Variants in KDM4C observed in about 807,000 individuals in gnomAD.
KDM4C encodes lysine-specific demethylase 4C.
In KDM4C, 81 loss-of-function variants were observed where a neutral mutation model predicts 129.3. That is an observed-to-expected ratio of 0.63 (90% CI 0.52 to 0.75). KDM4C has a LOEUF of 0.75. KDM4C is among the 30% of genes least tolerant of loss of function. The pLI is 0.00. For missense variants in KDM4C, 1,457 were observed against 1,304.0 expected (o/e 1.12, Z -1.81); for synonymous variants, 573 against 456.1 (o/e 1.26, Z -3.26).
At chr9:6,876,298 C>G (rs1273061301) in intron 5 of KDM4C, among the ~76,000 whole-genome samples, 2 of 152,092 alleles carry the variant, frequency 1.3e-5, no homozygotes, top group African/African-American at 2.4e-5. Context: ...ATAATGAGCT[C>G]CTAAATATGA....
intron 1 of KDM4C, among the ~76,000 whole-genome samples, chr9:6,746,742 C>G (rs1426900410): frequency 6.6e-6 from 1 of 150,536 alleles, no homozygotes; most frequent in African/African-American, 2.4e-5. Flanking sequence ...GGCGCGGTGG[C>G]TCACGCCTGT....
At chr9:6,813,667 A>T (rs1265837872) in intron 3 of KDM4C, among the ~76,000 whole-genome samples, 1 of 152,082 alleles carries the variant, frequency 6.6e-6, no homozygotes, top group Non-Finnish European at 1.5e-5. Context: ...TATTCCTTTT[A>T]TGTGGTGAGA....
At chr9:6,976,340 G>T (rs1311744255) in intron 8 of KDM4C, among the ~76,000 whole-genome samples, 1 of 152,154 alleles carries the variant, frequency 6.6e-6, no homozygotes, top group African/African-American at 2.4e-5. Context: ...AGAAATAACT[G>T]TTAATAATAG....
intron 8 of KDM4C, among the ~76,000 whole-genome samples, chr9:6,940,381 A>T (rs1825728332): frequency 6.6e-6 from 1 of 152,162 alleles, no homozygotes; most frequent in Non-Finnish European, 1.5e-5. Flanking sequence ...AGAGCTTCAA[A>T]ATGTGAACAA....
At chr9:7,078,699 A>G (rs1356845972) in intron 17 of KDM4C, among the ~76,000 whole-genome samples, 1 of 152,232 alleles carries the variant, frequency 6.6e-6, no homozygotes, top group Non-Finnish European at 1.5e-5. Context: ...TAGAGGTCCC[A>G]TAGCCAAAAC....
chr9:7,074,353 A>C (rs1375832545), intron 17 of KDM4C, among the ~76,000 whole-genome samples: 1 of 152,012 alleles, frequency 6.6e-6, no homozygotes, highest in African/African-American at 2.4e-5. Context: ...TTTTAGTAGA[A>C]ATGAGGTTTC....
chr9:6,987,316 C>T (rs1023566531), intron 11 of KDM4C, among the ~76,000 whole-genome samples: 1 of 152,186 alleles, frequency 6.6e-6, no homozygotes, highest in African/African-American at 2.4e-5. Flanking sequence ...AAAGACTCCT[C>T]TATATTATTT....
intron 1 of KDM4C, among the ~76,000 whole-genome samples, chr9:6,733,528 T>A (rs1246507799): frequency 6.6e-6 from 1 of 152,234 alleles, no homozygotes. Flanking sequence ...TTCTTGCGTT[T>A]GGCTTTTGGT....
intron 9 of KDM4C, among the ~76,000 whole-genome samples, chr9:6,983,644 C>A (rs554637633): frequency 2.0e-5 from 3 of 150,026 alleles, no homozygotes; most frequent in Non-Finnish European, 4.4e-5. Context: ...TAAATCCTTT[C>A]GCTATTGATG....
At chr9:7,084,803 C>T (rs868628878) in intron 17 of KDM4C, among the ~76,000 whole-genome samples, 3 of 152,210 alleles carry the variant, frequency 2.0e-5, no homozygotes, top group South Asian at 4.1e-4. Flanking sequence ...TGGGCACTTA[C>T]CATGTTCCAG....
At chr9:7,117,031 G>C (rs1297928434) in intron 18 of KDM4C, among the ~76,000 whole-genome samples, 1 of 152,144 alleles carries the variant, frequency 6.6e-6, no homozygotes, top group Non-Finnish European at 1.5e-5. Context: ...TAGTAAACTT[G>C]TGTGTGGTAC....
At chr9:6,773,577 C>G (rs1822352263) in intron 1 of KDM4C, among the ~76,000 whole-genome samples, 1 of 151,976 alleles carries the variant, frequency 6.6e-6, no homozygotes, top group Non-Finnish European at 1.5e-5. Context: ...TCGAGACCAG[C>G]CTGATCAACA....
chr9:6,793,495 T>C (rs1329772048), intron 2 of KDM4C, among the ~76,000 whole-genome samples: 1 of 151,804 alleles, frequency 6.6e-6, no homozygotes, highest in African/African-American at 2.4e-5. Context: ...ACAATTTCTC[T>C]CTCCTATCCT....
chr9:6,807,790 T>TGGG lies in KDM4C; in HGVS notation c.320+2024_320+2026dup, dbSNP rs752540856. On this transcript the variant is annotated intron_variant, in intron 3 of 21. Coordinates refer to ENST00000381309, the MANE Select transcript of KDM4C (RefSeq NM_015061.6). ...GCAGCCACCCCGTCTGGGAGGGAGG[T>TGGG]GGGGGGGGGGTCAGCCCCCCGCCCG... Among the ~76,000 whole-genome samples, 42 of 109,646 alleles carry TGGG rather than the reference T, an allele frequency of 3.8e-4. No individual in the cohort carries two copies. The South Asian group carries it at 4.1e-3, about 11-fold the overall frequency. The allele number at this position is 109,646 out of a possible 152,430, so 71.9% of individuals were successfully genotyped here.
chr9:7,136,043 A>G (rs550378287), intron 19 of KDM4C, among the ~76,000 whole-genome samples: 5 of 152,346 alleles, frequency 3.3e-5, no homozygotes, highest in Admixed American at 3.3e-4. Context: ...AGCAATTGTG[A>G]TGGGCCAGAG....
chr9:7,049,809 C>T (rs1829896000), intron 17 of KDM4C, among the ~76,000 whole-genome samples: 1 of 151,866 alleles, frequency 6.6e-6, no homozygotes, highest in Non-Finnish European at 1.5e-5. Flanking sequence ...ATTGAAGTAA[C>T]TTTGTAGTTT....
intron 17 of KDM4C, among the ~76,000 whole-genome samples, chr9:7,098,784 T>TA (rs1229531728): frequency 1.3e-5 from 2 of 152,242 alleles, no homozygotes; most frequent in Non-Finnish European, 2.9e-5. Flanking sequence ...TTATTGTGGC[T>TA]AGACTATCCT....
At chr9:6,938,712 C>T (rs1449324309) in intron 8 of KDM4C, among the ~76,000 whole-genome samples, 2 of 152,110 alleles carry the variant, frequency 1.3e-5, no homozygotes, top group Non-Finnish European at 2.9e-5. Context: ...TGTCAGTCTT[C>T]TGTTGTGTAA....
At chr9:7,039,257 A>C (rs990993019) in intron 15 of KDM4C, among the ~76,000 whole-genome samples, 35 of 152,008 alleles carry the variant, frequency 2.3e-4, no homozygotes, top group African/African-American at 7.2e-4. Flanking sequence ...CATTTTGAAT[A>C]CTGTTACTGA....
Sources: gnomAD v4.1 joint callset for allele counts (sites outside exome capture counted in the v4.1 genomes callset) on GRCh38, gnomAD v4.1.1 for gene constraint, MANE v1.5 for transcripts, NCBI Gene and HGNC (gene_info 2026-07-23, HGNC 2026-07-21) for gene names.